The following CRB2 variants were observed in gnomAD, a reference collection of about 807,000 sequenced individuals.
The protein encoded by CRB2 is protein crumbs homolog 2.
A neutral mutation model predicts 110.9 loss-of-function variants in CRB2; 85 were observed. The ratio of observed to expected loss-of-function variants is 0.77; its 90% CI spans 0.64 to 0.92. The LOEUF is 0.92. CRB2 is among the 40% of genes least tolerant of loss of function. The pLI is 0.00. For synonymous variants in CRB2, 907 were observed against 831.0 expected, an observed-to-expected ratio of 1.09 and a Z score of -1.57; for missense variants, 1,843 against 1,851.3, an observed-to-expected ratio of 1.00 and a Z score of 0.08.
intron 12 of CRB2, 74 bp downstream of exon 12, chr9:123,375,417 G>C: frequency 6.8e-7 from 1 of 1,468,258 alleles, no homozygotes; most frequent in Non-Finnish European, 9.1e-7. Context: ...TGGGGAGAGA[G>C]CGCAGCACCA....
At chr9:123,358,633 A>G (rs1311882834) in intron 1 of CRB2, among the ~76,000 whole-genome samples, 1 of 152,224 alleles carries the variant, frequency 6.6e-6, no homozygotes, top group East Asian at 1.9e-4. Flanking sequence ...CCAACAGCCT[A>G]TGAAGTCAGC....
In CRB2 at chr9:123,377,339, T is replaced by G; in HGVS notation, c.*277T>G. 2.2e-6 allele frequency: 1 copy of G among 464,236 alleles called. No individual in the cohort carries two copies. The highest frequency in any genetic ancestry group is 3.9e-6 in the Non-Finnish European group (1 of 258,358). The allele number at this position is 464,236 out of a possible 1,614,324, so 28.8% of individuals were successfully genotyped here. A position where few individuals can be genotyped will look rare whatever the true frequency, so the allele number is the denominator to read the frequency against. The stretch of plus-strand genomic sequence containing the variant: ...TGGGAGGGCACACGTGGGTTCACAG[T>G]GTGTTCAGGAGTGTGTGTATCTGGA... On this transcript the variant is annotated 3_prime_UTR_variant, in exon 13 of 13. Coordinates refer to ENST00000373631, the MANE Select transcript of CRB2 (RefSeq NM_173689.7).
At position 123,370,312 on chromosome 9, in the gene CRB2, A is replaced by G; in HGVS notation, c.1259A>G (p.His420Arg). ...TCIPIFESGV[H>R]SYVCHCPPGT... Reference sequence around the variant, plus strand: ...ATCCCTATCTTCGAGTCTGGGGTCCACAGTTACGTCTGCCACTGCCCACCT... The same window carrying G: ...ATCCCTATCTTCGAGTCTGGGGTCCGCAGTTACGTCTGCCACTGCCCACCT... The change falls in exon 7 of 13, where the codon CAC (histidine) becomes CGC (arginine). Residue 420 changes from histidine (H) to arginine (R), a missense_variant. Physicochemically the swap from His to Arg is conservative, Grantham distance 29. Coordinates refer to ENST00000373631, the MANE Select transcript of CRB2 (RefSeq NM_173689.7). The G allele has an allele frequency of 6.2e-7, 1 of 1,613,598 alleles. No homozygotes were observed. The highest frequency in any genetic ancestry group is 8.5e-7 in the Non-Finnish European group (1 of 1,180,014).
In CRB2 at chr9:123,370,112, G is replaced by A. The variant is rs760895610; in HGVS notation, c.1059G>A (p.Pro353=). The part of the protein sequence containing the change: ...QCHCPDGYAG[P]TCEEDVDECL... Reference sequence around the variant, plus strand: ...TTGGCTTTGTCTCTCCCAAAGGGCCGACATGTGAGGAAGATGTGGATGAAT... The same window carrying A: ...TTGGCTTTGTCTCTCCCAAAGGGCCAACATGTGAGGAAGATGTGGATGAAT... Residue 353 remains proline (P), a synonymous_variant, in exon 7 of 13, where the codon CCG becomes CCA. Coordinates refer to ENST00000373631, the MANE Select transcript of CRB2 (RefSeq NM_173689.7). 4.1e-5 allele frequency: 65 copies of A among 1,580,640 alleles called. No homozygotes were observed. The highest frequency in any genetic ancestry group is 1.9e-4 in the African/African-American group (14 of 74,566).
At position 123,364,638 on chromosome 9, in the gene CRB2, TC is replaced by T. The variant is rs545355596; in HGVS notation, c.419-1277del. Among the ~76,000 whole-genome samples, 30 of 152,164 alleles carry T rather than the reference TC, an allele frequency of 2.0e-4. No homozygotes were observed. In the East Asian group the frequency reaches 5.2e-3, roughly 26 times the overall value. On this transcript the variant is annotated intron_variant, in intron 2 of 12. Coordinates refer to ENST00000373631, the MANE Select transcript of CRB2 (RefSeq NM_173689.7). ...TCAATGAACTGAGAAGGGGGAGGGT[TC>T]CAGCTGGAGTCAGCTGGGCCTCTGG...
intron 12 of CRB2, among the ~76,000 whole-genome samples, chr9:123,375,996 A>G (rs1367475908): frequency 1.3e-5 from 2 of 152,108 alleles, no homozygotes; most frequent in Admixed American, 1.3e-4. Flanking sequence ...AGCCTGGGTC[A>G]TAAACCACAA....
In CRB2 at chr9:123,370,449, C is replaced by T. The variant is rs138891622; in HGVS notation, c.1396C>T (p.Arg466Cys). The T allele has an allele frequency of 3.3e-5, 53 of 1,613,408 alleles. 1 individual carries two copies. The highest frequency in any genetic ancestry group is 1.6e-4 in the Middle Eastern group (1 of 6,062). Residue 466 changes from arginine to cysteine, a missense_variant, in exon 7 of 13, where the codon CGC becomes TGC. Transcript: ENST00000373631. ...CCCCCTGGGTCTGGCACTGAGGTTT[C>T]GCACCACACTGCCCGCTGGGACCTT... ...GGPLGLALRFRTTLPAGTLAT... is the reference protein window; with the variant it reads ...GGPLGLALRFCTTLPAGTLAT...
Position 123,362,922 on chromosome 9 carries a change from C to A in CRB2, c.152C>A (p.Thr51Asn), listed in dbSNP as rs774678279. The A allele has an allele frequency of 1.0e-5, 16 of 1,601,692 alleles. No individual in the cohort carries two copies. The highest frequency in any genetic ancestry group is 1.3e-5 in the Non-Finnish European group (15 of 1,170,426). Residue 51 changes from threonine (T) to asparagine (N), a missense_variant, in exon 2 of 13, where the codon ACC (threonine) becomes AAC (asparagine). Transcript: ENST00000373631. ...ACASDPCAPG[T>N]ECQATESGGY... ...GCCTCAGACCCGTGCGCTCCAGGGA[C>A]CGAGTGCCAGGCTACCGAGAGTGGT...
Position 123,370,955 on chromosome 9 carries a change from C to T in CRB2, c.1902C>T (p.Pro634=), listed in dbSNP as rs1296448901. The T allele has an allele frequency of 6.2e-7, 1 of 1,608,252 alleles. No homozygotes were observed. Residue 634 remains proline, a synonymous_variant, in exon 7 of 13, where the codon CCC becomes CCT. Coordinates refer to ENST00000373631, the MANE Select transcript of CRB2 (RefSeq NM_173689.7). ...WTHFRCDCAR[P]HRGPTCADEI... is the part of the protein sequence containing the mutation. Reference sequence around the variant, plus strand: ...ATTTCCGTTGCGACTGTGCCCGGCCCCATAGAGGTCCCACGTGCGCTGATG... The same window carrying T: ...ATTTCCGTTGCGACTGTGCCCGGCCTCATAGAGGTCCCACGTGCGCTGATG...
chr9:123,373,450 G>A lies in CRB2; in HGVS notation c.2919G>A (p.Trp973Ter). The A allele has an allele frequency of 6.9e-7, 1 of 1,452,866 alleles. No individual in the cohort carries two copies. The highest frequency in any genetic ancestry group is 9.0e-7 in the Non-Finnish European group (1 of 1,109,414). 90.0% of individuals were successfully genotyped at this position (1,452,866 alleles called of 1,614,324 possible). A position where few individuals can be genotyped will look rare whatever the true frequency, so the allele number is the denominator to read the frequency against. Residue 973 changes from tryptophan to a stop codon, truncating the protein, a stop_gained, in exon 10 of 13, where the codon TGG becomes TGA. Transcript: ENST00000373631. LOFTEE classifies it high-confidence loss of function. ...GCCCGGCGGCCACCACCTCGCGCTG[G>A]CTGCTGTGGCTGGATGGTGCCGCCA... ...MERPAATTSR[W>*]LLWLDGAATP...
At position 123,358,030 on chromosome 9, in the gene CRB2, A is replaced by G. The variant is rs2808417; in HGVS notation, c.94+1676A>G. ...GCCCAGGGGCAGCCTTTCCTCTGCC[A>G]TTTCTGTGCTGGGAGCGCCATCCCT... On this transcript the variant is annotated intron_variant, in intron 1 of 12. Coordinates refer to ENST00000373631, the MANE Select transcript of CRB2 (RefSeq NM_173689.7). Among the ~76,000 whole-genome samples the G allele has an allele frequency of 7.8e-3, 1,184 of 152,282 alleles. 20 individuals carry two copies. Among genetic ancestry groups the G allele is most frequent in the African/African-American group, 0.027 (1,134 of 41,556 alleles).
upstream of CRB2, among the ~76,000 whole-genome samples, chr9:123,355,107 A>C (rs2041783616): frequency 6.6e-6 from 1 of 152,184 alleles, no homozygotes. Context: ...TCCCTTCAGC[A>C]AGAGGATTCT....
Position 123,362,934 on chromosome 9 carries a change from C to T in CRB2, c.164C>T (p.Ala55Val), listed in dbSNP as rs1395995353. The T allele has an allele frequency of 6.2e-6, 10 of 1,603,596 alleles. No homozygotes were observed. The highest frequency in any genetic ancestry group is 8.5e-6 in the Non-Finnish European group (10 of 1,171,948). The change falls in exon 2 of 13, where the codon GCT becomes GTT. Residue 55 changes from alanine (A) to valine (V), a missense_variant. Ala to Val is a moderately conservative substitution (Grantham distance 64, BLOSUM62 0). Transcript: ENST00000373631. ...TGCGCTCCAGGGACCGAGTGCCAGG[C>T]TACCGAGAGTGGTGGCTATACCTGT... ...DPCAPGTECQATESGGYTCGP... is the reference protein window; with the variant it reads ...DPCAPGTECQVTESGGYTCGP...
chr9:123,354,904 T>C (rs1431993348), upstream of CRB2, among the ~76,000 whole-genome samples: 3 of 152,166 alleles, frequency 2.0e-5, no homozygotes, highest in Admixed American at 1.3e-4. Flanking sequence ...TCCCCTGCAC[T>C]GCAGGGGACC....
intron 6 of CRB2, among the ~76,000 whole-genome samples, chr9:123,368,192 G>A (rs982645022): frequency 2.6e-5 from 4 of 152,044 alleles, no homozygotes; most frequent in African/African-American, 4.8e-5. Context: ...GAATGCCTGC[G>A]ACACCTCCCT....
In CRB2 at chr9:123,370,756, C is replaced by T. The variant is rs150718769; in HGVS notation, c.1703C>T (p.Ser568Phe). The T allele has an allele frequency of 3.1e-5, 50 of 1,602,948 alleles. No individual in the cohort carries two copies. The highest frequency in any genetic ancestry group is 4.2e-5 in the Non-Finnish European group (50 of 1,179,956). The stretch of plus-strand genomic sequence containing the variant: ...ACTCCGCTGCCTGCCGGGATCTCCT[C>T]TGCCCAGCTGGGGGACGCGACCTTT... Reference protein sequence around the residue: ...SATPLPAGISSAQLGDATFAG... With the variant: ...SATPLPAGISFAQLGDATFAG... Residue 568 changes from serine to phenylalanine, a missense_variant, in exon 7 of 13, where the codon TCT becomes TTT. Ser to Phe is a radical substitution (Grantham distance 155). Transcript: ENST00000373631.
chr9:123,374,836 T>A, intron 11 of CRB2, 141 bp downstream of exon 11: 1 of 641,960 alleles, frequency 1.6e-6, no homozygotes, highest in South Asian at 1.9e-5. Context: ...TGAGTTTCCT[T>A]CCATGACTCG....
At chr9:123,365,888 G>A (rs952952644) in intron 2 of CRB2, 29 bp from the exon 3 acceptor site, 9 of 1,572,388 alleles carry the variant, frequency 5.7e-6, no homozygotes, top group Non-Finnish European at 7.7e-6. Context: ...TGTCCATCCT[G>A]CACCCTGTGT....
At chr9:123,375,391 C>T in intron 12 of CRB2, 48 bp downstream of exon 12, 3 of 1,529,384 alleles carry the variant, frequency 2.0e-6, no homozygotes, top group Non-Finnish European at 2.6e-6. Context: ...CTGCTGGGCC[C>T]TTGGCGAGAT....
Sources: gnomAD v4.1 joint callset for allele counts (sites outside exome capture counted in the v4.1 genomes callset) on GRCh38, gnomAD v4.1.1 for gene constraint, MANE v1.5 for transcripts, NCBI Gene and HGNC (gene_info 2026-07-23, HGNC 2026-07-21) for gene names.